Variants in GLRA2 observed in about 807,000 individuals in gnomAD.
GLRA2 encodes glycine receptor subunit alpha-2.
A neutral mutation model predicts 31.6 loss-of-function variants in GLRA2; 11 were observed. The observed-to-expected ratio is 0.35, with a 90% confidence interval of 0.22 to 0.58. GLRA2 has a LOEUF of 0.58. Ranked by LOEUF, GLRA2 falls within the 20% of genes least tolerant of loss-of-function variation. GLRA2 has a pLI of 0.84. For missense variants in GLRA2, 212 were observed against 351.8 expected (o/e 0.60, Z 3.18); for synonymous variants, 132 against 134.0 (o/e 0.99, Z 0.10).
chrX:14,478,460 GAA>G, the GLRA2 span, among the ~76,000 whole-genome samples: 1 of 112,007 alleles, frequency 8.9e-6, no homozygotes, highest in South Asian at 3.7e-4. Flanking sequence ...CTAGCTAGAT[GAA>G]AAGTCTTATA....
chrX:14,634,690 C>T (rs886515939), intron 7 of GLRA2, among the ~76,000 whole-genome samples: 14 of 111,688 alleles, frequency 1.3e-4, no homozygotes, highest in Admixed American at 2.9e-4. Context: ...AAGCCCAAAC[C>T]ATTTGGACTT....
chrX:14,481,630 T>C, the GLRA2 span, among the ~76,000 whole-genome samples: 1 of 112,082 alleles, frequency 8.9e-6, no homozygotes, highest in Admixed American at 9.5e-5. Flanking sequence ...TAGAGTTGTA[T>C]TACTTATCTA....
the GLRA2 span, among the ~76,000 whole-genome samples, chrX:14,461,404 C>G: frequency 9.0e-6 from 1 of 111,246 alleles, no homozygotes; most frequent in African/African-American, 3.3e-5. Context: ...TGGATATCCT[C>G]TTAATTTTCT....
At chrX:14,655,338 G>C (rs1400597011) in intron 7 of GLRA2, among the ~76,000 whole-genome samples, 1 of 111,210 alleles carries the variant, frequency 9.0e-6, no homozygotes, top group Non-Finnish European at 1.9e-5. Context: ...GTGGAGCACA[G>C]AGCTGGGTGT....
At chrX:14,508,448 C>T in the GLRA2 span, among the ~76,000 whole-genome samples, 7 of 112,168 alleles carry the variant, frequency 6.2e-5, no homozygotes, top group East Asian at 2.0e-3. Context: ...AGCTTGAGGA[C>T]AAGAGTGGCA....
intron 5 of GLRA2, among the ~76,000 whole-genome samples, chrX:14,605,150 G>C (rs927268774): frequency 7.2e-5 from 8 of 111,858 alleles, no homozygotes; most frequent in Non-Finnish European, 1.3e-4. Context: ...CAGTTTCTCT[G>C]TTTGTAAAAT....
the GLRA2 span, among the ~76,000 whole-genome samples, chrX:14,466,801 C>T: frequency 8.9e-6 from 1 of 112,121 alleles, no homozygotes; most frequent in Non-Finnish European, 1.9e-5. Context: ...ACTTGATTCC[C>T]CTCTTCCCAT....
At chrX:14,494,504 C>CT in the GLRA2 span, among the ~76,000 whole-genome samples, 1 of 111,025 alleles carries the variant, frequency 9.0e-6, no homozygotes, top group Non-Finnish European at 1.9e-5. Flanking sequence ...TTTTTTCTGT[C>CT]TTTTTCTGAG....
intron 2 of GLRA2, among the ~76,000 whole-genome samples, chrX:14,548,760 C>A (rs1371388840): frequency 4.5e-5 from 5 of 111,802 alleles, no homozygotes; most frequent in Non-Finnish European, 9.4e-5. Flanking sequence ...GCGCATAAAT[C>A]ATACATGTTG....
chrX:14,563,773 AT>A (rs2089763449), intron 2 of GLRA2, among the ~76,000 whole-genome samples: 1 of 110,792 alleles, frequency 9.0e-6, no homozygotes, highest in Non-Finnish European at 1.9e-5. Flanking sequence ...ATAAAGAAAT[AT>A]AAATTGTAAA....
intron 2 of GLRA2, among the ~76,000 whole-genome samples, chrX:14,537,362 C>T (rs949911440): frequency 9.0e-6 from 1 of 111,241 alleles, no homozygotes; most frequent in Non-Finnish European, 1.9e-5. Context: ...TTCTTGAATG[C>T]TCATCATTAT....
At chrX:14,672,799 G>A (rs1406891140) in intron 7 of GLRA2, among the ~76,000 whole-genome samples, 1 of 111,732 alleles carries the variant, frequency 8.9e-6, no homozygotes, top group African/African-American at 3.3e-5. Context: ...CGTGGTGGAT[G>A]CCTGGAATTT....
At chrX:14,468,926 C>CT in the GLRA2 span, among the ~76,000 whole-genome samples, 1 of 110,735 alleles carries the variant, frequency 9.0e-6, no homozygotes, top group African/African-American at 3.3e-5. Context: ...TGATGGTGAG[C>CT]ATTTTTTCAT....
chrX:14,511,835 C>T, the GLRA2 span, among the ~76,000 whole-genome samples: 1 of 111,771 alleles, frequency 8.9e-6, no homozygotes, highest in East Asian at 2.8e-4. Context: ...TGCATCCTTG[C>T]TACAACCAGG....
chrX:14,536,092 AT>A (rs757975216), intron 2 of GLRA2, among the ~76,000 whole-genome samples: 2 of 111,788 alleles, frequency 1.8e-5, no homozygotes, highest in Non-Finnish European at 3.8e-5. Flanking sequence ...CATGCACACT[AT>A]TTTTTTCCCA....
intron 7 of GLRA2, 133 bp downstream of exon 7, chrX:14,609,338 G>A (rs2090373386): frequency 2.5e-6 from 1 of 404,132 alleles, no homozygotes; most frequent in Non-Finnish European, 4.2e-6. Context: ...AAGAGGACAA[G>A]AAGCTGAGTT....
the GLRA2 span, among the ~76,000 whole-genome samples, chrX:14,469,751 C>G: frequency 9.7e-6 from 1 of 103,250 alleles, no homozygotes; most frequent in Non-Finnish European, 2.0e-5. Flanking sequence ...TGCTAAATGA[C>G]GAGTTAATGG....
chrX:14,502,501 A>G, the GLRA2 span, among the ~76,000 whole-genome samples: 1 of 111,544 alleles, frequency 9.0e-6, no homozygotes, highest in Non-Finnish European at 1.9e-5. Flanking sequence ...TATACAGTCA[A>G]TTCTTATGAT....
chrX:14,643,315 T>A (rs777828875), intron 7 of GLRA2, among the ~76,000 whole-genome samples: 1 of 111,718 alleles, frequency 9.0e-6, no homozygotes, highest in Non-Finnish European at 1.9e-5. Context: ...AGCTGATACA[T>A]GGGTGTTGCT....
Sources: gnomAD v4.1 joint callset for allele counts (sites outside exome capture counted in the v4.1 genomes callset) on GRCh38, gnomAD v4.1.1 for gene constraint, MANE v1.5 for transcripts, NCBI Gene and HGNC (gene_info 2026-07-23, HGNC 2026-07-21) for gene names.